KLHL26: variants seen among roughly 807,000 people sequenced by gnomAD.
KLHL26 encodes the protein kelch like family member 26.
KLHL26 carries 4 observed loss-of-function variants against 7.1 expected under a neutral mutation model. The ratio of observed to expected loss-of-function variants is 0.56; its 90% CI spans 0.28 to 1.28. The LOEUF is 1.28. Among genes scored for constraint, KLHL26 ranks in the 50% most tolerant of loss-of-function variants. The pLI is 0.11. For missense variants in KLHL26, 896 were observed against 924.6 expected (o/e 0.97, Z 0.40); for synonymous variants, 465 against 414.1 (o/e 1.12, Z -1.49).
intron 1 of KLHL26, among the ~76,000 whole-genome samples, chr19:18,658,571 C>A (rs1191287121): frequency 6.8e-6 from 1 of 147,672 alleles, no homozygotes; most frequent in Non-Finnish European, 1.5e-5. Flanking sequence ...CCCTGGGTCT[C>A]TGTCTCCCTC....
intron 1 of KLHL26, among the ~76,000 whole-genome samples, chr19:18,643,494 T>C (rs1976750511): frequency 6.6e-6 from 1 of 151,962 alleles, no homozygotes; most frequent in African/African-American, 2.4e-5. Flanking sequence ...TTATTTTTTT[T>C]TGAGATAGAG....
In KLHL26 at chr19:18,668,915, C is replaced by G. The variant is rs749551307; in HGVS notation, c.1518C>G (p.Ala506=). The change falls in exon 3 of 3, where the codon GCC becomes GCG. Residue 506 remains alanine, a synonymous_variant. Coordinates refer to ENST00000300976, the MANE Select transcript of KLHL26 (RefSeq NM_018316.3). ...GCGTGCTACACGCCATGGTGGGTGCCGGCGGCCGCATCTATGCCCTCGGGG... is the reference window on the plus strand; with the variant it reads ...GCGTGCTACACGCCATGGTGGGTGCGGGCGGCCGCATCTATGCCCTCGGGG... The part of the protein sequence containing the change: ...EPRVLHAMVG[A]GGRIYALGGR... The G allele has an allele frequency of 6.2e-7, 1 of 1,605,556 alleles. No homozygotes were observed. Among genetic ancestry groups the G allele is most frequent in the African/African-American group, 1.3e-5 (1 of 74,916 alleles).
Position 18,669,390 on chromosome 19 carries a change from A to G in KLHL26, c.*145A>G. On this transcript the variant is annotated 3_prime_UTR_variant, in exon 3 of 3. Coordinates refer to ENST00000300976, the MANE Select transcript of KLHL26 (RefSeq NM_018316.3). ...TGCTGCGTTGATAAGCCCCCCTCCCAGGGGTCCCTCCCTCCCTCCTTCCCA... is the reference window on the plus strand; with the variant it reads ...TGCTGCGTTGATAAGCCCCCCTCCCGGGGGTCCCTCCCTCCCTCCTTCCCA... 1 of 636,382 alleles carries G rather than the reference A, an allele frequency of 1.6e-6. No individual in the cohort carries two copies. The highest frequency in any genetic ancestry group is 2.7e-6 in the Non-Finnish European group (1 of 367,418). The allele number at this position is 636,382 out of a possible 1,614,324, so 39.4% of individuals were successfully genotyped here.
At chr19:18,637,425 T>G (rs921045800) in intron 1 of KLHL26, among the ~76,000 whole-genome samples, 4 of 151,048 alleles carry the variant, frequency 2.6e-5, no homozygotes, top group African/African-American at 9.8e-5. Flanking sequence ...TTGACTGTGG[T>G]GGGCCGTGGG....
At chr19:18,642,364 T>TGTGTGC (rs1209818521) in intron 1 of KLHL26, among the ~76,000 whole-genome samples, 2 of 151,374 alleles carry the variant, frequency 1.3e-5, no homozygotes, top group Non-Finnish European at 2.9e-5. Context: ...TGTGTGTGTG[T>TGTGTGC]GTGTGTGTGT....
rs1976858616 is a variant in KLHL26 at position 18,649,270 on chromosome 19, G to A, written c.83+12133G>A. On this transcript the variant is annotated intron_variant, in intron 1 of 2. Coordinates refer to ENST00000300976, the MANE Select transcript of KLHL26 (RefSeq NM_018316.3). This position sits in a 1 kb window ranked among gnomAD's most constrained non-coding sequence, Gnocchi z 4.0. ...TTTTTACAGTGGTGGTCCTGGCGCT[G>A]GCACAGCTACTGGCACGGGATGGAT... is the stretch of plus-strand genomic sequence containing the variant. Among the ~76,000 whole-genome samples the A allele has an allele frequency of 6.6e-6, 1 of 152,180 alleles. No individual in the cohort carries two copies. The highest frequency in any genetic ancestry group is 2.4e-5 in the African/African-American group (1 of 41,440).
intron 1 of KLHL26, among the ~76,000 whole-genome samples, chr19:18,645,440 C>T (rs1976785339): frequency 6.6e-6 from 1 of 152,136 alleles, no homozygotes; most frequent in Admixed American, 6.5e-5. Context: ...AGGGCCCAGG[C>T]TCACTGAGTC....
In KLHL26 at chr19:18,668,165, G is replaced by A. The variant is rs1201252650; in HGVS notation, c.768G>A (p.Met256Ile). Residue 256 changes from methionine (M) to isoleucine (I), a missense_variant, in exon 3 of 3, where the codon ATG becomes ATA. By Grantham distance (10) the Met-to-Ile change is conservative. Coordinates refer to ENST00000300976, the MANE Select transcript of KLHL26 (RefSeq NM_018316.3). The part of the protein sequence containing the change: ...HVLCHIRFPL[M>I]QSSELVDSVQ... ...TCTGCCACATTCGCTTCCCGCTCAT[G>A]CAGTCGTCCGAGCTGGTGGACAGCG... is the stretch of plus-strand genomic sequence containing the variant. 1.1e-5 allele frequency: 17 copies of A among 1,609,198 alleles called. No individual in the cohort carries two copies. Among genetic ancestry groups the A allele is most frequent in the Non-Finnish European group, 1.4e-5 (17 of 1,179,654 alleles).
chr19:18,654,459 C>T (rs1216329778), intron 1 of KLHL26, among the ~76,000 whole-genome samples: 1 of 149,332 alleles, frequency 6.7e-6, no homozygotes, highest in Non-Finnish European at 1.5e-5. Context: ...TCCACCAATC[C>T]TCTCATCTAC....
In KLHL26 at chr19:18,650,464, G is replaced by A. The variant is rs1182540397; in HGVS notation, c.83+13327G>A. Among the ~76,000 whole-genome samples the A allele has an allele frequency of 1.3e-5, 2 of 152,106 alleles. No individual in the cohort carries two copies. Among genetic ancestry groups the A allele is most frequent in the Admixed American group, 6.6e-5 (1 of 15,266 alleles). On this transcript the variant is annotated intron_variant, in intron 1 of 2. Transcript: ENST00000300976. The surrounding 1 kb of genome is among the most constrained non-coding windows in gnomAD (Gnocchi z 4.2). ...TGAAAAACTTCCAGGACTGAAGTTC[G>A]AGTTGGAAGCACGCGTTCTCCTTGG... is the stretch of plus-strand genomic sequence containing the variant.
At position 18,650,561 on chromosome 19, in the gene KLHL26, C is replaced by T. The variant is rs543755172; in HGVS notation, c.83+13424C>T. Among the ~76,000 whole-genome samples, 1 of 151,808 alleles carries T rather than the reference C, an allele frequency of 6.6e-6. No homozygotes were observed. The highest frequency in any genetic ancestry group is 2.1e-4 in the South Asian group (1 of 4,824). ...GCTCCCCCTCCTCGGGTCCTCGTGG[C>T]TCTCTGTCGTGTGAAGCGGGGGGTC... On this transcript the variant is annotated intron_variant, in intron 1 of 2. Coordinates refer to ENST00000300976, the MANE Select transcript of KLHL26 (RefSeq NM_018316.3). This position sits in a 1 kb window ranked among gnomAD's most constrained non-coding sequence, Gnocchi z 4.2.
In KLHL26 at chr19:18,650,354, G is replaced by A. The variant is rs2052237611; in HGVS notation, c.83+13217G>A. 6.6e-6 allele frequency among the ~76,000 whole-genome samples: 1 copy of A among 152,222 alleles called. No homozygotes were observed. The highest frequency in any genetic ancestry group is 2.4e-5 in the African/African-American group (1 of 41,468). Reference sequence around the variant, plus strand: ...GGGTGGAAGGAGTGTCAAGGTGACTGTGAGATGACAGACACGTAGGGGAGC... The same window carrying A: ...GGGTGGAAGGAGTGTCAAGGTGACTATGAGATGACAGACACGTAGGGGAGC... On this transcript the variant is annotated intron_variant, in intron 1 of 2. Coordinates refer to ENST00000300976, the MANE Select transcript of KLHL26 (RefSeq NM_018316.3). This position sits in a 1 kb window ranked among gnomAD's most constrained non-coding sequence, Gnocchi z 4.2.
rs779751032 is a variant in KLHL26 at position 18,668,653 on chromosome 19, G to T, written c.1256G>T (p.Gly419Val). 1.9e-5 allele frequency: 30 copies of T among 1,568,712 alleles called. No homozygotes were observed. Among genetic ancestry groups the T allele is most frequent in the Non-Finnish European group, 2.4e-5 (28 of 1,162,552 alleles). The change falls in exon 3 of 3, where the codon GGC becomes GTC. Residue 419 changes from glycine to valine, a missense_variant. Coordinates refer to ENST00000300976, the MANE Select transcript of KLHL26 (RefSeq NM_018316.3). ...CTGTGCGGCATGGTGTACGCCACGG[G>T]CGGCCGCAACCGAGCCGGCAGCCTG... is the stretch of plus-strand genomic sequence containing the variant. ...NVLCGMVYAT[G>V]GRNRAGSLAS...
chr19:18,669,333 C>A lies in KLHL26; in HGVS notation c.*88C>A. 6.7e-6 allele frequency: 7 copies of A among 1,045,542 alleles called. No individual in the cohort carries two copies. The highest frequency in any genetic ancestry group is 9.9e-6 in the Non-Finnish European group (7 of 709,190). The allele number at this position is 1,045,542 out of a possible 1,614,324, so 64.8% of individuals were successfully genotyped here. On this transcript the variant is annotated 3_prime_UTR_variant, in exon 3 of 3. Transcript: ENST00000300976. ...GCACGTCTGCCTGAGAACCCCAGTG[C>A]CCCCCTTCGCCCGGGCTGCCCTTGA...
intron 1 of KLHL26, among the ~76,000 whole-genome samples, chr19:18,659,118 T>C (rs2052365904): frequency 6.6e-6 from 1 of 151,502 alleles, no homozygotes; most frequent in Non-Finnish European, 1.5e-5. Flanking sequence ...CTCTGGGTCC[T>C]GTTTTTCTTT....
chr19:18,642,338 A>AGTGTGTGT (rs1204260630), intron 1 of KLHL26, among the ~76,000 whole-genome samples: 12,087 of 123,696 alleles, frequency 0.098, 1,025 homozygotes, highest in African/African-American at 0.19. Context: ...CTAGTCACCT[A>AGTGTGTGT]GTGTGTGTGT....
chr19:18,665,773 A>T (rs1257354348), intron 2 of KLHL26, among the ~76,000 whole-genome samples: 3 of 152,074 alleles, frequency 2.0e-5, no homozygotes, highest in African/African-American at 7.2e-5. Flanking sequence ...TCCCTGGGTG[A>T]CCAGCAGGTG....
intron 1 of KLHL26, among the ~76,000 whole-genome samples, chr19:18,644,124 A>C (rs960930497): frequency 1.3e-5 from 2 of 152,154 alleles, no homozygotes; most frequent in East Asian, 3.8e-4. Context: ...GTCTGTCTCT[A>C]TCCGTTTTCA....
At chr19:18,651,566 T>G (rs1480358949) in intron 1 of KLHL26, among the ~76,000 whole-genome samples, 1 of 152,248 alleles carries the variant, frequency 6.6e-6, no homozygotes, top group African/African-American at 2.4e-5. Flanking sequence ...CCTCTGATGC[T>G]GAAATTTGTG....
Sources: gnomAD v4.1 joint callset for allele counts (sites outside exome capture counted in the v4.1 genomes callset) on GRCh38, gnomAD v4.1.1 for gene constraint, Gnocchi (gnomAD v3.1) non-coding constraint, MANE v1.5 for transcripts, NCBI Gene and HGNC (gene_info 2026-07-23, HGNC 2026-07-21) for gene names.